The following ZIM3 variants were observed in gnomAD, a reference collection of about 807,000 sequenced individuals.
The protein encoded by ZIM3 is zinc finger protein 657.
A neutral mutation model predicts 12.9 loss-of-function variants in ZIM3; 11 were observed. The ratio of observed to expected loss-of-function variants is 0.85; its 90% CI spans 0.54 to 1.41. ZIM3 has a LOEUF of 1.41. ZIM3 is among the 40% of genes most tolerant of loss of function. The probability of loss-of-function intolerance (pLI) is 0.00; values close to 1 mark genes in which losing one functional copy is unlikely to be tolerated. For synonymous variants in ZIM3, 205 were observed against 198.5 expected, an observed-to-expected ratio of 1.03 and a Z score of -0.28; for missense variants, 604 against 557.2, an observed-to-expected ratio of 1.08 and a Z score of -0.85.
chr19:57,142,577 G>A (rs148253018), intron 2 of ZIM3, 52 bp downstream of exon 2: 23 of 1,595,656 alleles, frequency 1.4e-5, no homozygotes, highest in African/African-American at 5.4e-5. Flanking sequence ...CAAGAGGAAC[G>A]TGGGTCATAC....
rs4801433 is a variant in ZIM3 at position 57,135,202 on chromosome 19, T to C, written c.1135A>G (p.Ile379Val). 0.52 allele frequency: 831,641 copies of C among 1,613,470 alleles called. 218,388 individuals carry two copies. The highest frequency in any genetic ancestry group is 0.56 in the South Asian group (51,236 of 91,064). The change falls in exon 5 of 5, where the codon ATT (isoleucine) becomes GTT (valine). Residue 379 changes from isoleucine to valine, a missense_variant. Coordinates refer to ENST00000269834, the MANE Select transcript of ZIM3 (RefSeq NM_052882.1). The part of the protein sequence containing the change: ...GNTFIQKKNL[I>V]QHKKIHTGEK... ...CCAGTATGGATTTTTTTATGTTGAA[T>C]GAGGTTTTTCTTCTGGATAAAGGTA...
chr19:57,142,847 T>G (rs185605287), intron 1 of ZIM3, among the ~76,000 whole-genome samples, 162 bp from the exon 2 acceptor site: 1 of 152,120 alleles, frequency 6.6e-6, no homozygotes, highest in East Asian at 1.9e-4. Flanking sequence ...GGTCTTTTTT[T>G]TTTTTGTTTT....
chr19:57,137,774 G>C (rs1341539833), intron 3 of ZIM3, among the ~76,000 whole-genome samples: 2 of 150,370 alleles, frequency 1.3e-5, no homozygotes, highest in African/African-American at 4.9e-5. Flanking sequence ...CGGTGACACA[G>C]CCAGACCCTG....
intron 2 of ZIM3, among the ~76,000 whole-genome samples, chr19:57,139,378 T>A (rs1051087572): frequency 2.6e-5 from 4 of 151,744 alleles, no homozygotes; most frequent in African/African-American, 7.3e-5. Context: ...GTTATTATAT[T>A]TTTTTTCTAT....
At position 57,139,137 on chromosome 19, in the gene ZIM3, G is replaced by A. The variant is rs933997837; in HGVS notation, c.16-539C>T. 2.6e-5 allele frequency among the ~76,000 whole-genome samples: 4 copies of A among 151,958 alleles called. No homozygotes were observed. In the East Asian group the frequency reaches 5.8e-4, roughly 22 times the overall value. Reference sequence around the variant, plus strand: ...AGGTCAGGAGTTCGAGACCAGTCTGGCCAACATGAAGAAACCCCATCTCTA... The same window carrying A: ...AGGTCAGGAGTTCGAGACCAGTCTGACCAACATGAAGAAACCCCATCTCTA... On this transcript the variant is annotated intron_variant, in intron 2 of 4. Coordinates refer to ENST00000269834, the MANE Select transcript of ZIM3 (RefSeq NM_052882.1).
At chr19:57,139,060 C>T (rs1467745887) in intron 2 of ZIM3, among the ~76,000 whole-genome samples, 1 of 152,180 alleles carries the variant, frequency 6.6e-6, no homozygotes, top group Non-Finnish European at 1.5e-5. Context: ...GGCACGGTGG[C>T]TCACACCTGT....
Position 57,134,866 on chromosome 19 carries a change from G to T in ZIM3, c.*52C>A. On this transcript the variant is annotated 3_prime_UTR_variant, in exon 5 of 5. Coordinates refer to ENST00000269834, the MANE Select transcript of ZIM3 (RefSeq NM_052882.1). The stretch of plus-strand genomic sequence containing the variant: ...CCATTTCAACATGGAATTCTGGGGT[G>T]ACAATTCCAGGCAACCATATCTTCC... 6.6e-7 allele frequency: 1 copy of T among 1,526,490 alleles called. No homozygotes were observed. Among genetic ancestry groups the T allele is most frequent in the South Asian group, 1.3e-5 (1 of 77,148 alleles). 94.6% of individuals were successfully genotyped at this position (1,526,490 alleles called of 1,614,324 possible).
At chr19:57,136,167 C>A in intron 4 of ZIM3, 72 bp from the exon 5 acceptor site, 1 of 1,368,400 alleles carries the variant, frequency 7.3e-7, no homozygotes, top group South Asian at 1.4e-5. Flanking sequence ...ATGCCATAAA[C>A]AATCTATTGT....
intron 3 of ZIM3, among the ~76,000 whole-genome samples, chr19:57,137,625 A>G (rs950836509): frequency 1.1e-4 from 16 of 151,768 alleles, no homozygotes; most frequent in Non-Finnish European, 2.2e-4. Context: ...AGGCAGGAAA[A>G]TCACTGGAAC....
chr19:57,134,797 T>C lies in ZIM3; in HGVS notation c.*121A>G, dbSNP rs1023537962. The C allele has an allele frequency of 5.0e-6, 5 of 997,652 alleles. No individual in the cohort carries two copies. The African/African-American group carries it at 6.5e-5, about 13-fold the overall frequency. The allele number at this position is 997,652 out of a possible 1,614,324, so 61.8% of individuals were successfully genotyped here. A position where few individuals can be genotyped will look rare whatever the true frequency, so the allele number is the denominator to read the frequency against. ...AATGGGTTTTCAAAGGATACTGTGA[T>C]AATAAGTCCTCGCTACCTTCAAAAA... On this transcript the variant is annotated 3_prime_UTR_variant, in exon 5 of 5. Coordinates refer to ENST00000269834, the MANE Select transcript of ZIM3 (RefSeq NM_052882.1).
Position 57,135,098 on chromosome 19 carries a change from A to C in ZIM3, c.1239T>G (p.His413Gln). The C allele has an allele frequency of 6.2e-7, 1 of 1,614,186 alleles. No individual in the cohort carries two copies. The highest frequency in any genetic ancestry group is 1.1e-5 in the South Asian group (1 of 91,080). Residue 413 changes from histidine (H) to glutamine (Q), a missense_variant, in exon 5 of 5, where the codon CAT becomes CAG. Physicochemically the swap from His to Gln is conservative, Grantham distance 24. Transcript: ENST00000269834. ...KSNLHSHQKT[H>Q]SGERTYRCSE... ...TACATCTATAGGTCCTCTCTCCGCT[A>C]TGAGTTTTCTGATGGCTATGAAGGT...
chr19:57,134,830 C>T lies in ZIM3; in HGVS notation c.*88G>A, dbSNP rs1281422257. 1.4e-6 allele frequency: 2 copies of T among 1,381,058 alleles called. No individual in the cohort carries two copies. The highest frequency in any genetic ancestry group is 4.6e-5 in the East Asian group (2 of 43,584). 85.6% of individuals were successfully genotyped at this position (1,381,058 alleles called of 1,614,324 possible). A position where few individuals can be genotyped will look rare whatever the true frequency, so the allele number is the denominator to read the frequency against. On this transcript the variant is annotated 3_prime_UTR_variant, in exon 5 of 5. Transcript: ENST00000269834. ...CCTCGCTACCTTCAAAAATAGCCTC[C>T]AAATTAGAGGCCATTTCAACATGGA...
rs757946990 is a variant in ZIM3 at position 57,135,989 on chromosome 19, T to TG, written c.347_348insC (p.Lys116AsnfsTer6). ...TCTTAGATCCGTCACATTCTACACCTTTCTGCGTAGTCAGCGTTTCCTTAT... is the reference window on the plus strand; with the variant it reads ...TCTTAGATCCGTCACATTCTACACCTGTTCTGCGTAGTCAGCGTTTCCTTAT... On this transcript the variant is annotated frameshift_variant, in exon 5 of 5. Coordinates refer to ENST00000269834, the MANE Select transcript of ZIM3 (RefSeq NM_052882.1). LOFTEE classifies it low-confidence loss of function (END_TRUNC). 1.9e-6 allele frequency: 3 copies of TG among 1,614,206 alleles called. No individual in the cohort carries two copies. The highest frequency in any genetic ancestry group is 2.5e-6 in the Non-Finnish European group (3 of 1,180,034).
Position 57,135,121 on chromosome 19 carries a change from G to A in ZIM3, c.1216C>T (p.Leu406Phe). 6.2e-7 allele frequency: 1 copy of A among 1,614,146 alleles called. No homozygotes were observed. The highest frequency in any genetic ancestry group is 8.5e-7 in the Non-Finnish European group (1 of 1,180,018). Residue 406 changes from leucine to phenylalanine, a missense_variant, in exon 5 of 5, where the codon CTT becomes TTT. Leu to Phe is a conservative substitution (Grantham distance 22). Transcript: ENST00000269834. The part of the protein sequence containing the change: ...CGKAFFQKSN[L>F]HSHQKTHSGE... ...CTATGAGTTTTCTGATGGCTATGAA[G>A]GTTTGACTTCTGAAAGAAGGCTTTT... is the stretch of plus-strand genomic sequence containing the variant.
chr19:57,135,352 G>A lies in ZIM3; in HGVS notation c.985C>T (p.His329Tyr), dbSNP rs771410025. 3.1e-6 allele frequency: 5 copies of A among 1,613,978 alleles called. No individual in the cohort carries two copies. Among genetic ancestry groups the A allele is most frequent in the Non-Finnish European group, 4.2e-6 (5 of 1,179,924 alleles). Reference sequence around the variant, plus strand: ...CATTTATAGGGTTTCTCTCCCGTGTGTATTCTCTGGTGTTTCACAAGATCT... The same window carrying A: ...CATTTATAGGGTTTCTCTCCCGTGTATATTCTCTGGTGTTTCACAAGATCT... ...KSDLVKHQRI[H>Y]TGEKPYKCSI... Residue 329 changes from histidine (H) to tyrosine (Y), a missense_variant, in exon 5 of 5, where the codon CAC (histidine) becomes TAC (tyrosine). By Grantham distance (83) the His-to-Tyr change is moderately conservative (BLOSUM62 2). Coordinates refer to ENST00000269834, the MANE Select transcript of ZIM3 (RefSeq NM_052882.1).
intron 2 of ZIM3, among the ~76,000 whole-genome samples, chr19:57,141,602 C>A (rs746977502): frequency 2.0e-5 from 3 of 151,830 alleles, no homozygotes; most frequent in East Asian, 3.9e-4. Flanking sequence ...CAGGAAAAGA[C>A]CTTCAGATCT....
At chr19:57,141,736 C>T (rs1219094527) in intron 2 of ZIM3, among the ~76,000 whole-genome samples, 1 of 151,842 alleles carries the variant, frequency 6.6e-6, no homozygotes, top group East Asian at 1.9e-4. Flanking sequence ...CACCTGTAAT[C>T]CCAGCAACTC....
At position 57,138,530 on chromosome 19, in the gene ZIM3, T is replaced by C; in HGVS notation, c.84A>G (p.Glu28=). The stretch of plus-strand genomic sequence containing the variant: ...TCACATCCCTGTACAAGTTTCTCTG[T>C]TCGGGATTCAGCCGCTGCCACTCCC... ...TQGEWQRLNP[E]QRNLYRDVML... is the part of the protein sequence containing the mutation. The change falls in exon 3 of 5, where the codon GAA becomes GAG. Residue 28 remains glutamate (E), a synonymous_variant. Transcript: ENST00000269834. 6.2e-7 allele frequency: 1 copy of C among 1,614,092 alleles called. No individual in the cohort carries two copies. Among genetic ancestry groups the C allele is most frequent in the Non-Finnish European group, 8.5e-7 (1 of 1,179,972 alleles).
Position 57,138,617 on chromosome 19 carries a change from G to A in ZIM3, c.16-19C>T, listed in dbSNP as rs368098374. 5.1e-5 allele frequency: 83 copies of A among 1,613,358 alleles called. No homozygotes were observed. In the Admixed American group the frequency reaches 6.5e-4, roughly 13 times the overall value. On this transcript the variant is annotated intron_variant, in intron 2 of 4. Transcript: ENST00000269834. ...CTCTTCCCTGTAACAACAGATTCCC[G>A]ATCAGTATAAAAATGCCATTGAATC...
Sources: allele counts gnomAD v4.1 joint callset (sites outside exome capture counted in the v4.1 genomes callset), GRCh38; gene constraint gnomAD v4.1.1; transcripts MANE v1.5; gene names NCBI Gene and HGNC (gene_info 2026-07-23, HGNC 2026-07-21).